CPQ: variants seen among roughly 807,000 people sequenced by gnomAD.
The protein encoded by CPQ is carboxypeptidase Q, also known as Ser-Met dipeptidase.
CPQ carries 37 observed loss-of-function variants against 45.7 expected under a neutral mutation model. The observed-to-expected ratio is 0.81, with a 90% CI of 0.62 to 1.07. The LOEUF (loss-of-function observed/expected upper bound fraction) is 1.07, where lower values mean the gene tolerates loss of function less well. CPQ is among the 50% of genes least tolerant of loss of function. The probability of loss-of-function intolerance (pLI) is 0.00; values close to 1 mark genes in which losing one functional copy is unlikely to be tolerated. For missense variants in CPQ, 537 were observed against 572.9 expected (o/e 0.94, Z 0.64); for synonymous variants, 186 against 205.8 (o/e 0.90, Z 0.82).
intron 2 of CPQ, among the ~76,000 whole-genome samples, chr8:96,822,999 C>A (rs1006387571): frequency 6.6e-6 from 1 of 152,016 alleles, no homozygotes; most frequent in Non-Finnish European, 1.5e-5. Flanking sequence ...GATAACTATG[C>A]ACCAGAGTGT....
chr8:96,872,795 T>G (rs1586433391), intron 3 of CPQ, among the ~76,000 whole-genome samples: 1 of 151,916 alleles, frequency 6.6e-6, no homozygotes. Flanking sequence ...GGTTACAGAA[T>G]GTACAGTAAA....
chr8:97,036,216 C>T (rs1376957711), intron 6 of CPQ, among the ~76,000 whole-genome samples: 3 of 152,118 alleles, frequency 2.0e-5, no homozygotes, highest in Non-Finnish European at 2.9e-5. Context: ...GCTGTTGAAA[C>T]TCAACTGGAG....
chr8:96,746,714 C>T (rs933490064), intron 1 of CPQ, among the ~76,000 whole-genome samples: 3 of 152,158 alleles, frequency 2.0e-5, no homozygotes, highest in Admixed American at 1.3e-4. Context: ...ACATTATTTA[C>T]TTTTGTTCTG....
chr8:97,039,048 G>C (rs1049902650), intron 6 of CPQ, among the ~76,000 whole-genome samples: 1 of 152,100 alleles, frequency 6.6e-6, no homozygotes, highest in Non-Finnish European at 1.5e-5. Context: ...GGTAAGCTTA[G>C]CATTTACAAG....
At chr8:96,683,051 G>C (rs1809171743) in intron 1 of CPQ, among the ~76,000 whole-genome samples, 1 of 151,890 alleles carries the variant, frequency 6.6e-6, no homozygotes, top group Non-Finnish European at 1.5e-5. Flanking sequence ...TATCATTGTG[G>C]TTTAGTGGTT....
At chr8:96,891,707 A>G (rs1050153418) in intron 4 of CPQ, among the ~76,000 whole-genome samples, 1 of 152,222 alleles carries the variant, frequency 6.6e-6, no homozygotes, top group African/African-American at 2.4e-5. Context: ...AATTTTGTAT[A>G]TACATATTAT....
At chr8:96,799,265 T>C (rs1810975580) in intron 2 of CPQ, among the ~76,000 whole-genome samples, 1 of 152,224 alleles carries the variant, frequency 6.6e-6, no homozygotes, top group African/African-American at 2.4e-5. Flanking sequence ...TCTTGTCTCA[T>C]AGGAACCTAA....
intron 4 of CPQ, among the ~76,000 whole-genome samples, chr8:96,902,434 G>A (rs970561578): frequency 1.3e-5 from 2 of 152,182 alleles, no homozygotes; most frequent in Admixed American, 6.5e-5. Context: ...ATGCTCTTCT[G>A]AATATTACTT....
rs149679932 is a variant in CPQ, at chr8:96,649,623, A to C, written c.-35+4221A>C. Among the ~76,000 whole-genome samples, 51 of 152,304 alleles carry C rather than the reference A, an allele frequency of 3.3e-4. 2 individuals are homozygous for C. The East Asian group carries it at 9.8e-3, about 29-fold the overall frequency. On this transcript the variant is annotated intron_variant, in intron 1 of 7. Coordinates refer to ENST00000220763, the MANE Select transcript of CPQ (RefSeq NM_016134.4). ...TATAAGGTGAGGAAGAAGTTTCGGG[A>C]GAAAGACGGTGAGTGAGCAGAGGTA... is the stretch of plus-strand genomic sequence containing the variant.
intron 1 of CPQ, among the ~76,000 whole-genome samples, chr8:96,694,040 A>C (rs893692442): frequency 1.3e-5 from 2 of 152,310 alleles, no homozygotes; most frequent in Admixed American, 1.3e-4. Flanking sequence ...TTAAGTCACC[A>C]GTTTAAAATA....
intron 1 of CPQ, among the ~76,000 whole-genome samples, chr8:96,704,951 G>A (rs1219282422): frequency 6.6e-6 from 1 of 152,190 alleles, no homozygotes; most frequent in Non-Finnish European, 1.5e-5. Flanking sequence ...ACTCATTTGA[G>A]TGACAACACT....
intron 1 of CPQ, among the ~76,000 whole-genome samples, chr8:96,713,773 G>A (rs2130755925): frequency 6.6e-6 from 1 of 152,292 alleles, no homozygotes; most frequent in East Asian, 1.9e-4. Context: ...CTATTATGGA[G>A]CATATTGACC....
chr8:96,851,566 C>A (rs1414046814), intron 3 of CPQ, among the ~76,000 whole-genome samples: 4 of 152,160 alleles, frequency 2.6e-5, no homozygotes, highest in African/African-American at 9.7e-5. Context: ...AACAGAGGGA[C>A]AAGTGAACCA....
At chr8:96,857,180 CAA>C (rs1384642350) in intron 3 of CPQ, among the ~76,000 whole-genome samples, 1 of 152,122 alleles carries the variant, frequency 6.6e-6, no homozygotes, top group African/African-American at 2.4e-5. Context: ...GGCCTTGCTG[CAA>C]ATTTAGCAGC....
intron 4 of CPQ, 38 bp downstream of exon 4, chr8:96,880,043 C>T (rs1812200445): frequency 6.4e-7 from 1 of 1,564,056 alleles, no homozygotes; most frequent in Non-Finnish European, 8.8e-7. Flanking sequence ...AATACAGTTT[C>T]CTGGTCTAGT....
At chr8:96,925,708 T>G (rs1251671248) in intron 4 of CPQ, among the ~76,000 whole-genome samples, 1 of 142,032 alleles carries the variant, frequency 7.0e-6, no homozygotes, top group Admixed American at 7.1e-5. Context: ...TTTTTTTTTT[T>G]GAGACGGAGT....
At chr8:96,658,957 A>G (rs1815668261) in intron 1 of CPQ, among the ~76,000 whole-genome samples, 1 of 152,230 alleles carries the variant, frequency 6.6e-6, no homozygotes, top group African/African-American at 2.4e-5. Context: ...AAAATAATAA[A>G]TTTGTATTCA....
intron 2 of CPQ, among the ~76,000 whole-genome samples, chr8:96,809,346 A>G (rs1811128890): frequency 6.6e-6 from 1 of 152,122 alleles, no homozygotes; most frequent in African/African-American, 2.4e-5. Context: ...TCTTATGTTG[A>G]TCACCTGCTG....
intron 1 of CPQ, among the ~76,000 whole-genome samples, chr8:96,648,278 A>AT (rs1286166466): frequency 6.6e-6 from 1 of 152,200 alleles, no homozygotes; most frequent in Non-Finnish European, 1.5e-5. Flanking sequence ...GTGTGATGGA[A>AT]TAGACCTTCC....
Sources: gnomAD v4.1 joint callset for allele counts (sites outside exome capture counted in the v4.1 genomes callset) on GRCh38, gnomAD v4.1.1 for gene constraint, MANE v1.5 for transcripts, NCBI Gene and HGNC (gene_info 2026-07-23, HGNC 2026-07-21) for gene names.